The following PTPRT variants were observed in gnomAD, a reference collection of about 807,000 sequenced individuals.
PTPRT encodes the protein protein tyrosine phosphatase receptor type T.
PTPRT carries 56 observed loss-of-function variants against 176.8 expected under a neutral mutation model. The ratio of observed to expected loss-of-function variants is 0.32; its 90% confidence interval spans 0.26 to 0.40. The LOEUF is 0.40. Among genes scored for constraint, PTPRT ranks in the 10% least tolerant of loss-of-function variants. The pLI is 1.00. For synonymous variants in PTPRT, 783 were observed against 739.0 expected (o/e 1.06, Z -0.96); for missense variants, 1,540 against 1,908.2 (o/e 0.81, Z 3.60).
chr20:42,084,574 TG>T, intron 29 of PTPRT, 107 bp downstream of exon 29: 2 of 987,768 alleles, frequency 2.0e-6, no homozygotes, highest in Non-Finnish European at 2.7e-6. Context: ...TGTTGAGTTG[TG>T]GTATAGCCAG....
intron 7 of PTPRT, among the ~76,000 whole-genome samples, chr20:42,595,821 T>C (rs1307909159): frequency 2.6e-5 from 4 of 152,170 alleles, no homozygotes; most frequent in African/African-American, 9.7e-5. Context: ...ACACTTCTCC[T>C]GGCACCTCAC....
intron 5 of PTPRT, among the ~76,000 whole-genome samples, chr20:42,765,854 AT>A (rs1222106355): frequency 6.6e-6 from 1 of 152,056 alleles, no homozygotes; most frequent in Non-Finnish European, 1.5e-5. Context: ...CCATTCCCTC[AT>A]TTACTTAATC....
intron 9 of PTPRT, among the ~76,000 whole-genome samples, chr20:42,385,710 T>C (rs113000556): frequency 0.033 from 5,064 of 152,196 alleles, 300 homozygotes; most frequent in African/African-American, 0.12. Context: ...AGGAGCAAAG[T>C]CAAGTCTTAC....
At chr20:42,552,609 A>G (rs1377162831) in intron 7 of PTPRT, among the ~76,000 whole-genome samples, 1 of 152,192 alleles carries the variant, frequency 6.6e-6, no homozygotes, top group Non-Finnish European at 1.5e-5. Context: ...TTAATCACAT[A>G]AAGGATCATA....
Position 42,315,717 on chromosome 20 carries a change from A to G in PTPRT, c.2139+6T>C. The G allele has an allele frequency of 6.2e-7, 1 of 1,613,144 alleles. No homozygotes were observed. Among genetic ancestry groups the G allele is most frequent in the Non-Finnish European group, 8.5e-7 (1 of 1,179,232 alleles). Reference sequence around the variant, plus strand: ...CAAGGAATGGCCTCCATGTGGCCATACTTACTCCATTGGCTTTGCTGAGTG... The same window carrying G: ...CAAGGAATGGCCTCCATGTGGCCATGCTTACTCCATTGGCTTTGCTGAGTG... On this transcript the variant is annotated splice_donor_region_variant and intron_variant, in intron 12 of 30. Transcript: ENST00000373187.
intron 1 of PTPRT, chr20:42,970,689 A>C (rs1015931343): frequency 3.3e-5 from 5 of 152,210 alleles, no homozygotes; most frequent in Non-Finnish European, 7.3e-5. Flanking sequence ...GGATAAATAG[A>C]TGCTTTGCTT....
intron 7 of PTPRT, among the ~76,000 whole-genome samples, chr20:42,654,058 G>A (rs553733424): frequency 2.6e-5 from 4 of 152,282 alleles, no homozygotes; most frequent in South Asian, 2.1e-4. Flanking sequence ...CAGGACAGGG[G>A]AGGCTGGAGA....
intron 8 of PTPRT, among the ~76,000 whole-genome samples, chr20:42,463,913 T>C (rs2071063278): frequency 6.6e-6 from 1 of 152,200 alleles, no homozygotes; most frequent in Non-Finnish European, 1.5e-5. Flanking sequence ...TCCAGATAAA[T>C]CTTTACATCT....
At chr20:42,449,425 C>T (rs1012403269) in intron 8 of PTPRT, among the ~76,000 whole-genome samples, 2 of 152,168 alleles carry the variant, frequency 1.3e-5, no homozygotes, top group Middle Eastern at 3.2e-3. Flanking sequence ...ATTCCCCAAA[C>T]TTTCTGCTGT....
chr20:42,077,617 G>A lies in PTPRT; in HGVS notation c.*3262C>T, dbSNP rs1468705292. On this transcript the variant is annotated 3_prime_UTR_variant, in exon 31 of 31. Coordinates refer to ENST00000373187, the MANE Select transcript of PTPRT (RefSeq NM_007050.6). ...GGCACTGGTGCCCCATCTCATCCAA[G>A]CCTTGCCACATCCTTGTCCCATGGG... The A allele has an allele frequency of 1.8e-5, 4 of 219,388 alleles. No homozygotes were observed. The highest frequency in any genetic ancestry group is 3.7e-5 in the Non-Finnish European group (4 of 109,300). 13.6% of individuals were successfully genotyped at this position (219,388 alleles called of 1,614,324 possible). A position where few individuals can be genotyped will look rare whatever the true frequency, so the allele number is the denominator to read the frequency against.
chr20:42,887,278 C>T (rs73907298), intron 1 of PTPRT, among the ~76,000 whole-genome samples: 5,497 of 152,180 alleles, frequency 0.036, 238 homozygotes, highest in African/African-American at 0.1. Context: ...GGATTGGGAC[C>T]AGTGCCCTTA....
intron 6 of PTPRT, among the ~76,000 whole-genome samples, chr20:42,710,448 G>A (rs2076127590): frequency 6.6e-6 from 1 of 152,208 alleles, no homozygotes; most frequent in Admixed American, 6.5e-5. Flanking sequence ...TGGCTCAAAG[G>A]GCCCCAGATA....
intron 9 of PTPRT, among the ~76,000 whole-genome samples, chr20:42,383,115 T>C (rs2058712227): frequency 6.6e-6 from 1 of 152,180 alleles, no homozygotes; most frequent in Non-Finnish European, 1.5e-5. Context: ...GTGCACTCAA[T>C]ACATGTGAGC....
intron 7 of PTPRT, among the ~76,000 whole-genome samples, chr20:42,674,789 A>G (rs1461138037): frequency 6.6e-6 from 1 of 152,226 alleles, no homozygotes; most frequent in South Asian, 2.1e-4. Context: ...CTTACAAGGA[A>G]TATTTCCAAG....
At chr20:42,974,248 A>G (rs955675041) in intron 1 of PTPRT, among the ~76,000 whole-genome samples, 3 of 152,148 alleles carry the variant, frequency 2.0e-5, no homozygotes, top group African/African-American at 7.2e-5. Context: ...TTCTCTGATC[A>G]CCATTCCCCA....
At chr20:42,452,041 C>A (rs952040874) in intron 8 of PTPRT, among the ~76,000 whole-genome samples, 3 of 152,088 alleles carry the variant, frequency 2.0e-5, no homozygotes, top group Non-Finnish European at 4.4e-5. Context: ...GAGGCCAAGG[C>A]GGGCAGATCA....
chr20:42,662,582 T>G lies in PTPRT; in HGVS notation c.1153+15284A>C, dbSNP rs963325875. Among the ~76,000 whole-genome samples the G allele has an allele frequency of 2.0e-5, 3 of 152,210 alleles. No homozygotes were observed. In the East Asian group the frequency reaches 5.8e-4, roughly 29 times the overall value. On this transcript the variant is annotated intron_variant, in intron 7 of 30. Coordinates refer to ENST00000373187, the MANE Select transcript of PTPRT (RefSeq NM_007050.6). ...ATTAATGACCTGTATTTCTATCCAG[T>G]GAGGTAAGCAGCATTATACTAATTA...
chr20:42,125,372 G>A (rs2146349313), intron 19 of PTPRT, among the ~76,000 whole-genome samples: 1 of 152,248 alleles, frequency 6.6e-6, no homozygotes, highest in South Asian at 2.1e-4. Flanking sequence ...TAATCAAAAA[G>A]GCCTGGATTC....
At chr20:42,922,434 T>A (rs1043260785) in intron 1 of PTPRT, among the ~76,000 whole-genome samples, 1 of 152,222 alleles carries the variant, frequency 6.6e-6, no homozygotes, top group African/African-American at 2.4e-5. Context: ...ACCTCTCTCC[T>A]GGACTCAGGC....
Sources: allele counts gnomAD v4.1 joint callset (sites outside exome capture counted in the v4.1 genomes callset), GRCh38; gene constraint gnomAD v4.1.1; transcripts MANE v1.5; gene names NCBI Gene and HGNC (gene_info 2026-07-23, HGNC 2026-07-21).